Variants in MS4A7 observed in about 807,000 individuals in gnomAD.
MS4A7 encodes the protein membrane-spanning 4-domains subfamily A member 7.
A neutral mutation model predicts 23.5 loss-of-function variants in MS4A7; 21 were observed. The ratio of observed to expected loss-of-function variants is 0.89; its 90% CI spans 0.63 to 1.29. The LOEUF is 1.29. MS4A7 is among the 50% of genes most tolerant of loss of function. The pLI, the probability that MS4A7 is intolerant of heterozygous loss-of-function variation, is 0.00. For missense variants in MS4A7, 263 were observed against 274.2 expected (o/e 0.96, Z 0.29); for synonymous variants, 111 against 107.4 (o/e 1.03, Z -0.21).
intron 1 of MS4A7, among the ~76,000 whole-genome samples, 162 bp from the exon 2 acceptor site, chr11:60,382,967 C>G (rs2085446087): frequency 6.6e-6 from 1 of 152,244 alleles, no homozygotes; most frequent in African/African-American, 2.4e-5. Flanking sequence ...AGCATGCCCA[C>G]TTTCCAATGC....
Position 60,385,143 on chromosome 11 carries a change from TTGCTCCCTACCCC to T in MS4A7, c.205_217del (p.Ala69ProfsTer11). ...TCAAGTCTGGGGGCCATCTTGGTTTTTGCTCCCTACCCCTCCCACTTCAATCCAGCAATTTCCA... is the reference window on the plus strand; with the variant it reads ...TCAAGTCTGGGGGCCATCTTGGTTTTTCCCACTTCAATCCAGCAATTTCCA... On this transcript the variant is annotated frameshift_variant, in exon 3 of 7. Transcript: ENST00000300184. LOFTEE classifies it high-confidence loss of function. The T allele has an allele frequency of 6.2e-7, 1 of 1,614,166 alleles. No homozygotes were observed. Among genetic ancestry groups the T allele is most frequent in the South Asian group, 1.1e-5 (1 of 91,078 alleles).
chr11:60,384,946 A>G, intron 2 of MS4A7, 142 bp from the exon 3 acceptor site: 1 of 686,520 alleles, frequency 1.5e-6, no homozygotes, highest in Admixed American at 3.1e-5. Flanking sequence ...AAGCATATCG[A>G]TTGGCTCCTT....
intron 5 of MS4A7, among the ~76,000 whole-genome samples, chr11:60,391,952 G>A (rs1385066991): frequency 7.3e-6 from 1 of 137,596 alleles, no homozygotes; most frequent in Non-Finnish European, 1.5e-5. Context: ...AACCAAAATG[G>A]AAAAAAAAAA....
chr11:60,380,866 T>C (rs988519012), intron 1 of MS4A7, among the ~76,000 whole-genome samples: 1 of 152,174 alleles, frequency 6.6e-6, no homozygotes, highest in East Asian at 1.9e-4. Flanking sequence ...TGAGAATCAG[T>C]TGTAGCTAGC....
chr11:60,385,129 G>A lies in MS4A7; in HGVS notation c.189G>A (p.Gly63=). The A allele has an allele frequency of 6.2e-7, 1 of 1,613,946 alleles. No individual in the cohort carries two copies. The highest frequency in any genetic ancestry group is 1.1e-5 in the South Asian group (1 of 91,062). ...ILCCLLISSL[G]AILVFAPYPS... ...GTTGCCTGTTGATTTCAAGTCTGGGGGCCATCTTGGTTTTTGCTCCCTACC... is the reference window on the plus strand; with the variant it reads ...GTTGCCTGTTGATTTCAAGTCTGGGAGCCATCTTGGTTTTTGCTCCCTACC... Residue 63 remains glycine (G), a synonymous_variant, in exon 3 of 7, where the codon GGG becomes GGA. Coordinates refer to ENST00000300184, the MANE Select transcript of MS4A7 (RefSeq NM_021201.5).
chr11:60,384,385 A>T (rs923711459), intron 2 of MS4A7, among the ~76,000 whole-genome samples: 2 of 152,156 alleles, frequency 1.3e-5, no homozygotes, highest in Admixed American at 6.5e-5. Context: ...ACTTGTCTGT[A>T]CCTTTACAGA....
rs567510327 is a variant in MS4A7, at chr11:60,383,388, T to A, written c.147+100T>A. ...GGTCTGGGAAACTCTTTCACTCTTT[T>A]CTGGCTGACTCCAGGCTAATGAGGA... On this transcript the variant is annotated intron_variant, in intron 2 of 6. Coordinates refer to ENST00000300184, the MANE Select transcript of MS4A7 (RefSeq NM_021201.5). 2.9e-6 allele frequency: 4 copies of A among 1,371,850 alleles called. No homozygotes were observed. The East Asian group carries it at 7.0e-5, about 24-fold the overall frequency. 85.0% of individuals were successfully genotyped at this position (1,371,850 alleles called of 1,614,324 possible).
intron 1 of MS4A7, among the ~76,000 whole-genome samples, chr11:60,379,260 G>A (rs921439754): frequency 6.6e-6 from 1 of 152,204 alleles, no homozygotes; most frequent in Non-Finnish European, 1.5e-5. Context: ...AAGTGTCATA[G>A]ATTTAAATGT....
intron 4 of MS4A7, 34 bp downstream of exon 4, chr11:60,386,807 G>A (rs773707939): frequency 2.0e-6 from 3 of 1,481,490 alleles, no homozygotes; most frequent in Admixed American, 3.6e-5. Context: ...TCAGCTGGTT[G>A]GAATTGAAGG....
chr11:60,385,833 A>T (rs746475961), intron 3 of MS4A7, among the ~76,000 whole-genome samples: 6 of 152,222 alleles, frequency 3.9e-5, no homozygotes, highest in Non-Finnish European at 1.5e-5. Flanking sequence ...CTTCCCACAA[A>T]GGGTTATTTC....
chr11:60,379,429 G>A (rs1457527873), intron 1 of MS4A7, among the ~76,000 whole-genome samples: 2 of 152,178 alleles, frequency 1.3e-5, no homozygotes, highest in African/African-American at 4.8e-5. Flanking sequence ...TGAATCTAGA[G>A]ACCTCCATTT....
At chr11:60,391,511 C>T (rs760343535) in intron 5 of MS4A7, among the ~76,000 whole-genome samples, 35 of 152,116 alleles carry the variant, frequency 2.3e-4, no homozygotes, top group Non-Finnish European at 4.0e-4. Flanking sequence ...AAATGAGTAG[C>T]GGCAGCAAAT....
chr11:60,384,316 T>G lies in MS4A7; in HGVS notation c.148-772T>G, dbSNP rs59953873. On this transcript the variant is annotated intron_variant, in intron 2 of 6. Transcript: ENST00000300184. ...TACATAGTTTGTACCATGCCTCCAG[T>G]ACTTCACAAGCCTCATGTCCTACTA... Among the ~76,000 whole-genome samples the G allele has an allele frequency of 1.0e-2, 1,520 of 152,344 alleles. 31 individuals are homozygous for G. The highest frequency in any genetic ancestry group is 0.034 in the African/African-American group (1,410 of 41,580).
intron 5 of MS4A7, among the ~76,000 whole-genome samples, chr11:60,390,696 G>T (rs549924429): frequency 1.3e-5 from 2 of 152,084 alleles, no homozygotes; most frequent in Non-Finnish European, 2.9e-5. Flanking sequence ...TAAAGAAAAT[G>T]AATTTCATTA....
At chr11:60,386,803 G>A (rs1414075412) in intron 4 of MS4A7, 30 bp downstream of exon 4, 1 of 1,537,704 alleles carries the variant, frequency 6.5e-7, no homozygotes, top group East Asian at 2.3e-5. Flanking sequence ...AATCTCAGCT[G>A]GTTGGAATTG....
At position 60,386,438 on chromosome 11, in the gene MS4A7, C is replaced by T. The variant is rs2085488130; in HGVS notation, c.283-279C>T. ...TAATTTAGTAACACTCTTCTCCTTC[C>T]CAGGTACACCTTTTCTCCAGGCCTC... On this transcript the variant is annotated intron_variant, in intron 3 of 6. Coordinates refer to ENST00000300184, the MANE Select transcript of MS4A7 (RefSeq NM_021201.5). The T allele has an allele frequency of 1.1e-5, 4 of 368,200 alleles. No individual in the cohort carries two copies. In the South Asian group the frequency reaches 2.7e-4, roughly 25 times the overall value. The allele number at this position is 368,200 out of a possible 1,614,324, so 22.8% of individuals were successfully genotyped here.
In MS4A7 at chr11:60,386,740, A is replaced by G; in HGVS notation, c.306A>G (p.Ser102=). ...ALCFGITGSL[S]IISGKQSTKP... ...AGTTTGGCATTACTGGATCCCTCTC[A>G]ATTATCTCTGGAAAACAATCAACTA... The change falls in exon 4 of 7, where the codon TCA becomes TCG. Residue 102 remains serine (S), a synonymous_variant. Coordinates refer to ENST00000300184, the MANE Select transcript of MS4A7 (RefSeq NM_021201.5). 1 of 1,613,312 alleles carries G rather than the reference A, an allele frequency of 6.2e-7. No individual in the cohort carries two copies. Among genetic ancestry groups the G allele is most frequent in the African/African-American group, 1.3e-5 (1 of 75,000 alleles).
At chr11:60,380,772 G>A (rs2085420118) in intron 1 of MS4A7, among the ~76,000 whole-genome samples, 1 of 152,210 alleles carries the variant, frequency 6.6e-6, no homozygotes, top group Non-Finnish European at 1.5e-5. Context: ...TATTCCCTAA[G>A]ATCAGCAATG....
At chr11:60,393,479 T>A (rs1482932159) in intron 6 of MS4A7, among the ~76,000 whole-genome samples, 1 of 152,202 alleles carries the variant, frequency 6.6e-6, no homozygotes, top group Non-Finnish European at 1.5e-5. Flanking sequence ...TGCTCTTCCT[T>A]ACATCCCCTT....
Sources: gnomAD v4.1 joint callset for allele counts (sites outside exome capture counted in the v4.1 genomes callset) on GRCh38, gnomAD v4.1.1 for gene constraint, MANE v1.5 for transcripts, NCBI Gene and HGNC (gene_info 2026-07-23, HGNC 2026-07-21) for gene names.